Variants in INTS9 observed in about 807,000 individuals in gnomAD.
INTS9 encodes the protein integrator complex subunit 9.
In INTS9, 55 loss-of-function variants were observed where a neutral mutation model predicts 79.7. That is an observed-to-expected ratio of 0.69 (90% CI 0.56 to 0.86). The LOEUF (loss-of-function observed/expected upper bound fraction) is 0.86, where lower values mean the gene tolerates loss of function less well. Ranked by LOEUF, INTS9 falls within the 40% of genes least tolerant of loss-of-function variation. INTS9 has a pLI of 0.00. For synonymous variants in INTS9, 319 were observed against 325.2 expected, an observed-to-expected ratio of 0.98 and a Z score of 0.20; for missense variants, 721 against 831.5, an observed-to-expected ratio of 0.87 and a Z score of 1.64.
At chr8:28,870,349 CTTTTTTTTT>C (rs10580665) in intron 1 of INTS9, among the ~76,000 whole-genome samples, 2 of 80,590 alleles carry the variant, frequency 2.5e-5, no homozygotes, top group African/African-American at 4.8e-5. Context: ...CAGAAAAAAG[CTTTTTTTTT>C]TTTTTTTTTT....
intron 3 of INTS9, chr8:28,849,975 G>T: frequency 2.7e-6 from 1 of 374,654 alleles, no homozygotes; most frequent in Non-Finnish European, 4.8e-6. Flanking sequence ...TGCAGCAGAA[G>T]TACTTAGATT....
At chr8:28,795,643 A>C (rs1359224022) in intron 9 of INTS9, among the ~76,000 whole-genome samples, 1 of 14,194 alleles carries the variant, frequency 7.0e-5, no homozygotes, top group Admixed American at 6.0e-4. Context: ...CCGTCTCAAA[A>C]AAAAAAAAAA....
intron 11 of INTS9, among the ~76,000 whole-genome samples, chr8:28,782,862 A>AC (rs1361567558): frequency 2.6e-5 from 4 of 152,178 alleles, no homozygotes. Context: ...AGACCCTGTC[A>AC]CTAAAAAAAA....
rs781479218 is a variant in INTS9, at chr8:28,850,252, A to AG, written c.158dup (p.Gly54TrpfsTer50). ...CATTTCCATCCTTCAGGGACCAGCCAGGAAGATTGGACAGCCTGGGACTGC... is the reference window on the plus strand; with the variant it reads ...CATTTCCATCCTTCAGGGACCAGCCAGGGAAGATTGGACAGCCTGGGACTGC... On this transcript the variant is annotated frameshift_variant, in exon 3 of 17. Transcript: ENST00000521022. LOFTEE classifies it high-confidence loss of function. 4 of 1,613,890 alleles carry AG rather than the reference A, an allele frequency of 2.5e-6. No homozygotes were observed. In the South Asian group the frequency reaches 4.4e-5, roughly 18 times the overall value.
intron 1 of INTS9, among the ~76,000 whole-genome samples, chr8:28,873,035 T>C (rs1335123709): frequency 6.6e-6 from 1 of 152,158 alleles, no homozygotes; most frequent in Non-Finnish European, 1.5e-5. Context: ...AATTTTTTCT[T>C]ACAGTAATAC....
intron 1 of INTS9, among the ~76,000 whole-genome samples, chr8:28,865,601 C>G (rs1177382655): frequency 1.3e-5 from 2 of 151,930 alleles, no homozygotes. Context: ...AGCAACGTAG[C>G]CTCAAAATAC....
chr8:28,879,404 A>T (rs1809573243), intron 1 of INTS9, among the ~76,000 whole-genome samples: 1 of 152,216 alleles, frequency 6.6e-6, no homozygotes, highest in South Asian at 2.1e-4. Context: ...AGCTGGATAG[A>T]AGGGAATATC....
rs536633827 is a variant in INTS9 at position 28,778,978 on chromosome 8, C to A, written c.1271-1025G>T. ...ACTTCTGCCCTGGAAGCCCCATAAA[C>A]CAGTTTAAATGCAAACCCATTACCC... On this transcript the variant is annotated intron_variant, in intron 12 of 16. Transcript: ENST00000521022. Among the ~76,000 whole-genome samples, 149 of 152,318 alleles carry A rather than the reference C, an allele frequency of 9.8e-4. 1 individual carries two copies. Among genetic ancestry groups the A allele is most frequent in the African/African-American group, 3.5e-3 (145 of 41,568 alleles).
At position 28,844,412 on chromosome 8, in the gene INTS9, C is replaced by T. The variant is rs531985074; in HGVS notation, c.261+2335G>A. ...AAAATTAGCAGGGTGTGGTTGTGTGCACCTGTGGTCCCAGCTACTTGGGAG... is the reference window on the plus strand; with the variant it reads ...AAAATTAGCAGGGTGTGGTTGTGTGTACCTGTGGTCCCAGCTACTTGGGAG... On this transcript the variant is annotated intron_variant, in intron 4 of 16. Coordinates refer to ENST00000521022, the MANE Select transcript of INTS9 (RefSeq NM_018250.4). Among the ~76,000 whole-genome samples the T allele has an allele frequency of 2.0e-5, 3 of 152,204 alleles. 1 individual carries two copies. The highest frequency in any genetic ancestry group is 4.1e-4 in the South Asian group (2 of 4,826).
intron 11 of INTS9, among the ~76,000 whole-genome samples, chr8:28,786,715 GTTTTCTTT>G (rs1177203526): frequency 2.6e-5 from 4 of 152,106 alleles, no homozygotes; most frequent in Non-Finnish European, 5.9e-5. Flanking sequence ...GATACTGTCA[GTTTTCTTT>G]TTTTCTTTTT....
chr8:28,806,838 G>T (rs925268849), intron 8 of INTS9, among the ~76,000 whole-genome samples: 1 of 152,074 alleles, frequency 6.6e-6, no homozygotes, highest in African/African-American at 2.4e-5. Context: ...GAATGACAAA[G>T]CACTGAGTAT....
rs559171256 is a variant in INTS9 at position 28,889,900 on chromosome 8, T to A, written c.-18A>T. On this transcript the variant is annotated 5_prime_UTR_variant, in exon 1 of 17. Transcript: ENST00000521022. Reference sequence around the variant, plus strand: ...AGTTTCATAATGGACTTTTGGTGGTTCAATAGCAGTCACTGAACTCCTCAA... The same window carrying A: ...AGTTTCATAATGGACTTTTGGTGGTACAATAGCAGTCACTGAACTCCTCAA... 6.2e-7 allele frequency: 1 copy of A among 1,611,746 alleles called. No homozygotes were observed. The highest frequency in any genetic ancestry group is 1.7e-5 in the Admixed American group (1 of 59,902).
At chr8:28,870,611 TTC>T (rs1479452687) in intron 1 of INTS9, among the ~76,000 whole-genome samples, 1 of 152,196 alleles carries the variant, frequency 6.6e-6, no homozygotes, top group Non-Finnish European at 1.5e-5. Context: ...ATGCTTTCTT[TTC>T]TCTCTTCAAA....
chr8:28,821,738 T>C (rs976921720), intron 6 of INTS9, among the ~76,000 whole-genome samples: 1 of 151,888 alleles, frequency 6.6e-6, no homozygotes, highest in African/African-American at 2.4e-5. Context: ...ATATTAGTTT[T>C]GTGTGTTTTG....
chr8:28,874,445 A>G (rs999463135), intron 1 of INTS9, among the ~76,000 whole-genome samples: 1 of 151,692 alleles, frequency 6.6e-6, no homozygotes, highest in Non-Finnish European at 1.5e-5. Context: ...ACCTGCCACC[A>G]TGCCCGGCTA....
chr8:28,841,439 A>G (rs1280353780), intron 4 of INTS9, among the ~76,000 whole-genome samples: 1 of 152,236 alleles, frequency 6.6e-6, no homozygotes, highest in African/African-American at 2.4e-5. Flanking sequence ...ACTGGGTGAG[A>G]AAACTTGAAA....
At chr8:28,812,608 C>T (rs777170491) in intron 7 of INTS9, 147 bp from the exon 8 acceptor site, 229 of 860,790 alleles carry the variant, frequency 2.7e-4, no homozygotes, top group Non-Finnish European at 3.8e-4. Flanking sequence ...CAATGGCTCA[C>T]GCCTGTAATC....
intron 1 of INTS9, among the ~76,000 whole-genome samples, chr8:28,882,532 T>TAAAAAAAAAAAA (rs369293166): frequency 6.2e-4 from 39 of 63,244 alleles, no homozygotes; most frequent in Non-Finnish European, 8.6e-4. Context: ...TATTAACAGC[T>TAAAAAAAAAAAA]AAAAAAAAAA....
At chr8:28,805,141 C>T (rs1420666469) in intron 8 of INTS9, among the ~76,000 whole-genome samples, 1 of 152,238 alleles carries the variant, frequency 6.6e-6, no homozygotes. Context: ...GAAAAACACA[C>T]ATTGAAGAGA....
Sources: gnomAD v4.1 joint callset for allele counts (sites outside exome capture counted in the v4.1 genomes callset) on GRCh38, gnomAD v4.1.1 for gene constraint, MANE v1.5 for transcripts, NCBI Gene and HGNC (gene_info 2026-07-23, HGNC 2026-07-21) for gene names.